UFD1: variants seen among roughly 807,000 people sequenced by gnomAD.
UFD1 encodes ubiquitin recognition factor in ER-associated degradation protein 1.
In UFD1, 13 loss-of-function variants were observed where a neutral mutation model predicts 45.9. That is an observed-to-expected ratio of 0.28 (90% CI 0.18 to 0.45). UFD1 has a LOEUF of 0.45. UFD1 is among the 20% of genes least tolerant of loss of function. The pLI is 1.00. For missense variants in UFD1, 218 were observed against 389.2 expected (o/e 0.56, Z 3.70); for synonymous variants, 128 against 139.2 (o/e 0.92, Z 0.56).
intron 4 of UFD1, among the ~76,000 whole-genome samples, chr22:19,471,049 T>C (rs2146305346): frequency 6.6e-6 from 1 of 152,352 alleles, no homozygotes; most frequent in South Asian, 2.1e-4. Context: ...CACAGCTACC[T>C]GTGTGGAACT....
In UFD1 at chr22:19,450,362, G is replaced by A. The variant is rs1170351444; in HGVS notation, c.*308C>T. The A allele has an allele frequency of 9.5e-6, 3 of 316,162 alleles. No individual in the cohort carries two copies. The East Asian group carries it at 1.7e-4, about 18-fold the overall frequency. 19.6% of individuals were successfully genotyped at this position (316,162 alleles called of 1,614,324 possible). A position where few individuals can be genotyped will look rare whatever the true frequency, so the allele number is the denominator to read the frequency against. On this transcript the variant is annotated 3_prime_UTR_variant, in exon 12 of 12. Transcript: ENST00000263202. Reference sequence around the variant, plus strand: ...ACCTTCATAGGTTTTGACAGAATTAGGGATGCAGAATTGCTCCTGCTGAGG... The same window carrying A: ...ACCTTCATAGGTTTTGACAGAATTAAGGATGCAGAATTGCTCCTGCTGAGG...
At chr22:19,469,310 C>G (rs749710222) in intron 4 of UFD1, among the ~76,000 whole-genome samples, 3 of 152,154 alleles carry the variant, frequency 2.0e-5, no homozygotes, top group Admixed American at 6.5e-5. Context: ...GGATACTGGG[C>G]TGCAATTGCA....
At chr22:19,453,016 G>A (rs1415599632) in intron 11 of UFD1, 2 of 979,120 alleles carry the variant, frequency 2.0e-6, no homozygotes, top group Non-Finnish European at 1.2e-6. Flanking sequence ...TTCTGTGGCT[G>A]TTCTTCCCAC....
chr22:19,450,462 CTTT>C lies in UFD1; in HGVS notation c.*205_*207del. The C allele has an allele frequency of 1.6e-6, 1 of 621,160 alleles. No individual in the cohort carries two copies. The highest frequency in any genetic ancestry group is 2.7e-6 in the Non-Finnish European group (1 of 371,302). 38.5% of individuals were successfully genotyped at this position (621,160 alleles called of 1,614,324 possible). The stretch of plus-strand genomic sequence containing the variant: ...TATCTACAGGCCCTCAGGGACAGCT[CTTT>C]GTCTTTCCCCAAATCAAGCATACAA... On this transcript the variant is annotated 3_prime_UTR_variant, in exon 12 of 12. Coordinates refer to ENST00000263202, the MANE Select transcript of UFD1 (RefSeq NM_005659.7).
intron 7 of UFD1, among the ~76,000 whole-genome samples, 165 bp downstream of exon 7, chr22:19,457,906 T>C (rs909370948): frequency 1.4e-4 from 21 of 152,010 alleles, no homozygotes; most frequent in Admixed American, 3.3e-4. Context: ...CTGAGATAGA[T>C]CACAAGGTCA....
At position 19,478,033 on chromosome 22, in the gene UFD1, C is replaced by T. The variant is rs369202220; in HGVS notation, c.3+1050G>A. Among the ~76,000 whole-genome samples the T allele has an allele frequency of 1.9e-3, 288 of 152,298 alleles. 3 individuals carry two copies. Among genetic ancestry groups the T allele is most frequent in the African/African-American group, 6.6e-3 (273 of 41,560 alleles). ...GGTAGGGGCTTGCTTCCCTTGAGTG[C>T]TTCTCACTAGCCAACCTATGTAAGC... On this transcript the variant is annotated intron_variant, in intron 1 of 11. Coordinates refer to ENST00000263202, the MANE Select transcript of UFD1 (RefSeq NM_005659.7).
intron 4 of UFD1, among the ~76,000 whole-genome samples, chr22:19,468,995 G>A (rs955694718): frequency 1.3e-5 from 2 of 152,214 alleles, no homozygotes; most frequent in African/African-American, 4.8e-5. Context: ...CTGGGAAGCC[G>A]TGCCTAGGCC....
chr22:19,479,193 C>T lies in UFD1; in HGVS notation c.-108G>A, dbSNP rs1471289472. 4 of 1,572,388 alleles carry T rather than the reference C, an allele frequency of 2.5e-6. No individual in the cohort carries two copies. The East Asian group carries it at 9.4e-5, about 37-fold the overall frequency. The stretch of plus-strand genomic sequence containing the variant: ...CCGCTGCCGCCGCGCCAAGCCGGTA[C>T]GCCCCAGAGGCTCACCGGAAGTGCC... On this transcript the variant is annotated 5_prime_UTR_variant, in exon 1 of 12. Transcript: ENST00000263202.
chr22:19,453,722 A>C, intron 11 of UFD1: 1 of 985,512 alleles, frequency 1.0e-6, no homozygotes, highest in Non-Finnish European at 1.2e-6. Context: ...TGTGAGTAGG[A>C]CCAGGTGTGC....
At chr22:19,475,749 A>C in intron 1 of UFD1, 147 bp from the exon 2 acceptor site, 1 of 1,050,456 alleles carries the variant, frequency 9.5e-7, no homozygotes. Flanking sequence ...ACTAAATACA[A>C]AACAGGCCAT....
intron 1 of UFD1, 143 bp downstream of exon 1, chr22:19,478,940 T>C: frequency 8.7e-7 from 1 of 1,149,182 alleles, no homozygotes; most frequent in African/African-American, 1.6e-5. Flanking sequence ...TTGTGCCCGG[T>C]GCGGCCGATG....
At chr22:19,468,840 G>T (rs1426763096) in intron 4 of UFD1, among the ~76,000 whole-genome samples, 1 of 152,130 alleles carries the variant, frequency 6.6e-6, no homozygotes, top group Non-Finnish European at 1.5e-5. Context: ...CAAATCCCAG[G>T]TATCACATCC....
rs1460733614 is a variant in UFD1, at chr22:19,467,950, G to T, written c.345C>A (p.Val115=). ...TGGAGTAGGTGGCCACTTGAAGGTT[G>T]ACGCTCTCCACCTGGACCAGGCCGC... ...EEGGLVQVES[V]NLQVATYSKF... is the part of the protein sequence containing the mutation. Residue 115 remains valine, a synonymous_variant, in exon 5 of 12, where the codon GTC becomes GTA. Transcript: ENST00000263202. 6.2e-7 allele frequency: 1 copy of T among 1,614,074 alleles called. No homozygotes were observed. The highest frequency in any genetic ancestry group is 8.5e-7 in the Non-Finnish European group (1 of 1,180,044).
rs137937633 is a variant in UFD1, at chr22:19,450,238, C to CT, written c.*431dup. 0.39 allele frequency: 60,298 copies of CT among 155,786 alleles called. 13,389 individuals are homozygous for CT. The highest frequency in any genetic ancestry group is 0.5 in the Non-Finnish European group (34,948 of 70,158). The allele number at this position is 155,786 out of a possible 1,614,324, so 9.7% of individuals were successfully genotyped here. A position where few individuals can be genotyped will look rare whatever the true frequency, so the allele number is the denominator to read the frequency against. On this transcript the variant is annotated 3_prime_UTR_variant, in exon 12 of 12. Transcript: ENST00000263202. ...TATAGAACACATGTCTATTTAAAGC[C>CT]TTTTTTTAGGCCAAAGACTGACACC...
At chr22:19,461,401 T>C (rs1238947118) in intron 6 of UFD1, among the ~76,000 whole-genome samples, 1 of 152,254 alleles carries the variant, frequency 6.6e-6, no homozygotes. Context: ...ACCAAGATTC[T>C]TTGTATATAA....
intron 11 of UFD1, 50 bp from the exon 12 acceptor site, chr22:19,450,794 A>T: frequency 6.2e-7 from 1 of 1,613,550 alleles, no homozygotes; most frequent in Non-Finnish European, 8.5e-7. Context: ...GGAGGTTTAC[A>T]ATAAATGCCT....
intron 6 of UFD1, among the ~76,000 whole-genome samples, chr22:19,460,639 G>T (rs967739709): frequency 6.6e-6 from 1 of 151,364 alleles, no homozygotes; most frequent in African/African-American, 2.4e-5. Flanking sequence ...AGCTCACCAA[G>T]ACAAGTACTG....
In UFD1 at chr22:19,449,982, A is replaced by G. The variant is rs572344059; in HGVS notation, c.*688T>C. 1.3e-5 allele frequency: 2 copies of G among 152,334 alleles called. No individual in the cohort carries two copies. Among genetic ancestry groups the G allele is most frequent in the African/African-American group, 4.8e-5 (2 of 41,582 alleles). The allele number at this position is 152,334 out of a possible 1,614,324, so 9.4% of individuals were successfully genotyped here. On this transcript the variant is annotated 3_prime_UTR_variant, in exon 12 of 12. Transcript: ENST00000263202. ...GGAAGAAGGAGAGGAACATCTCTTT[A>G]GCATTTGTTCATTCTAACATTCACA...
intron 2 of UFD1, 152 bp downstream of exon 2, chr22:19,475,318 C>T (rs1156243030): frequency 2.3e-6 from 3 of 1,278,818 alleles, no homozygotes; most frequent in Admixed American, 2.5e-5. Flanking sequence ...AGCACCCCAC[C>T]CCAACAGAGC....
Sources: allele counts gnomAD v4.1 joint callset (sites outside exome capture counted in the v4.1 genomes callset), GRCh38; gene constraint gnomAD v4.1.1; transcripts MANE v1.5; gene names NCBI Gene and HGNC (gene_info 2026-07-23, HGNC 2026-07-21).